SLC8A1: variants seen among roughly 807,000 people sequenced by gnomAD.
SLC8A1 encodes solute carrier family 8 member A1.
A neutral mutation model predicts 68.3 loss-of-function variants in SLC8A1; 18 were observed. The observed-to-expected ratio is 0.26, with a 90% CI of 0.18 to 0.39. The LOEUF is 0.39. Among genes scored for constraint, SLC8A1 ranks in the 10% least tolerant of loss-of-function variants. SLC8A1 has a pLI of 1.00. For synonymous variants in SLC8A1, 475 were observed against 415.5 expected (o/e 1.14, Z -1.74); for missense variants, 985 against 1,156.7 (o/e 0.85, Z 2.15).
exon 8 of SLC8A1, chr2:40,099,646 A>G (rs1029002431): frequency 1.3e-5 from 2 of 151,968 alleles, no homozygotes; most frequent in African/African-American, 2.4e-5. Flanking sequence ...TGCCCTGTAT[A>G]GGAAATTCAT....
Position 40,378,476 on chromosome 2 carries a change from G to C in SLC8A1, c.1808+49997C>G, listed in dbSNP as rs896808124. On this transcript the variant is annotated intron_variant, in intron 2 of 7. Transcript: ENST00000406785. ...TGTGATGGGGAGAATGGGTCTGACA[G>C]GTAACAGGAGGCCAGGCTTTGTGGA... Among the ~76,000 whole-genome samples the C allele has an allele frequency of 2.0e-5, 3 of 152,140 alleles. No individual in the cohort carries two copies. The South Asian group carries it at 6.2e-4, about 31-fold the overall frequency.
Position 40,351,473 on chromosome 2 carries a change from ACTTC to A in SLC8A1, c.1808+76996_1808+76999del, listed in dbSNP as rs143629301. On this transcript the variant is annotated intron_variant, in intron 2 of 7. Transcript: ENST00000406785. ...TCATACTACTACTTTTTCCACAGAG[ACTTC>A]CTTGTCTGCCCCTCCTGTGATGCCG... 6.6e-3 allele frequency among the ~76,000 whole-genome samples: 1,010 copies of A among 152,030 alleles called. 21 individuals are homozygous for A. Among genetic ancestry groups the A allele is most frequent in the African/African-American group, 0.022 (918 of 41,462 alleles).
intron 1 of SLC8A1, among the ~76,000 whole-genome samples, chr2:40,444,354 A>T (rs1346389602): frequency 6.6e-6 from 1 of 152,136 alleles, no homozygotes; most frequent in Non-Finnish European, 1.5e-5. Context: ...AAGTAAAATT[A>T]AAAAGTCATC....
At chr2:40,365,377 C>G (rs1675830251) in intron 2 of SLC8A1, among the ~76,000 whole-genome samples, 2 of 152,052 alleles carry the variant, frequency 1.3e-5, no homozygotes, top group African/African-American at 4.8e-5. Context: ...TCTAAATAAC[C>G]TGTAGAAAAT....
intron 1 of SLC8A1, among the ~76,000 whole-genome samples, chr2:40,434,211 T>G (rs1698955472): frequency 6.6e-6 from 1 of 152,232 alleles, no homozygotes; most frequent in African/African-American, 2.4e-5. Flanking sequence ...GAAGGGGGCT[T>G]CCGGTGTTAA....
At chr2:40,150,573 G>C (rs548133936) in intron 6 of SLC8A1, among the ~76,000 whole-genome samples, 1 of 152,294 alleles carries the variant, frequency 6.6e-6, no homozygotes, top group Admixed American at 6.5e-5. Flanking sequence ...CCCAGTGATG[G>C]CACATTGTTT....
At chr2:40,163,554 C>T (rs964881646) in intron 5 of SLC8A1, among the ~76,000 whole-genome samples, 3 of 152,224 alleles carry the variant, frequency 2.0e-5, no homozygotes, top group South Asian at 2.1e-4. Flanking sequence ...TGAGATTCCC[C>T]GACTTCTGGA....
At chr2:40,429,602 G>T in exon 2 of SLC8A1, 2 of 1,613,742 alleles carry the variant, frequency 1.2e-6, no homozygotes, top group Non-Finnish European at 1.7e-6. Context: ...ACAACACCAG[G>T]AGATATGACA....
chr2:40,239,037 A>T (rs2148950669), intron 2 of SLC8A1, among the ~76,000 whole-genome samples: 1 of 140,510 alleles, frequency 7.1e-6, no homozygotes, highest in Non-Finnish European at 1.6e-5. Flanking sequence ...ATGAATTTTA[A>T]TGAAATTGCA....
At chr2:40,149,492 A>T (rs2043036912) in intron 6 of SLC8A1, among the ~76,000 whole-genome samples, 1 of 152,228 alleles carries the variant, frequency 6.6e-6, no homozygotes, top group Non-Finnish European at 1.5e-5. Flanking sequence ...TTTAGTGAGG[A>T]GAAATAATCG....
At chr2:40,450,391 G>A (rs555212274) in intron 1 of SLC8A1, among the ~76,000 whole-genome samples, 39 of 152,166 alleles carry the variant, frequency 2.6e-4, no homozygotes, top group Non-Finnish European at 5.0e-4. Flanking sequence ...CGCTGGTGGG[G>A]GCATGGGAAA....
intron 2 of SLC8A1, among the ~76,000 whole-genome samples, chr2:40,212,650 T>C (rs1016379661): frequency 1.3e-5 from 2 of 152,204 alleles, no homozygotes; most frequent in Non-Finnish European, 2.9e-5. Context: ...TCTGCTGCCT[T>C]CTGAAGGCAT....
chr2:40,362,035 C>T (rs1271252879), intron 2 of SLC8A1, among the ~76,000 whole-genome samples: 1 of 151,080 alleles, frequency 6.6e-6, no homozygotes. Flanking sequence ...GCTGGGATTA[C>T]AGGCATGCAC....
intron 2 of SLC8A1, among the ~76,000 whole-genome samples, chr2:40,319,432 C>A (rs903735660): frequency 6.6e-6 from 1 of 152,054 alleles, no homozygotes; most frequent in South Asian, 2.1e-4. Flanking sequence ...TTTTGCAGTT[C>A]CTAGTCAATT....
intron 7 of SLC8A1, chr2:40,118,373 C>G (rs2035969820): frequency 6.6e-6 from 1 of 152,160 alleles, no homozygotes; most frequent in African/African-American, 2.4e-5. Flanking sequence ...TTACCAAATG[C>G]TCTTTACTGT....
At chr2:40,336,173 C>G (rs1665910026) in intron 2 of SLC8A1, among the ~76,000 whole-genome samples, 1 of 152,188 alleles carries the variant, frequency 6.6e-6, no homozygotes, top group South Asian at 2.1e-4. Context: ...CATCCTAATT[C>G]CACTTTATGT....
chr2:40,115,780 A>G (rs776229256), intron 7 of SLC8A1, 151 bp from the exon 11 acceptor site: 7 of 1,016,444 alleles, frequency 6.9e-6, no homozygotes, highest in Non-Finnish European at 9.9e-6. Context: ...AGTCAGACTC[A>G]TGGGGTGAAA....
intron 2 of SLC8A1, among the ~76,000 whole-genome samples, chr2:40,362,327 A>C (rs538219115): frequency 9.2e-5 from 14 of 152,122 alleles, no homozygotes; most frequent in Non-Finnish European, 1.5e-4. Context: ...GGGACACAAA[A>C]CCAGTGTTAG....
chr2:40,274,512 C>T (rs2066458253), intron 2 of SLC8A1, among the ~76,000 whole-genome samples: 1 of 152,054 alleles, frequency 6.6e-6, no homozygotes, highest in Admixed American at 6.6e-5. Context: ...GGGGATCTGC[C>T]TGTGTACACT....
Sources: allele counts gnomAD v4.1 joint callset (sites outside exome capture counted in the v4.1 genomes callset), GRCh38; gene constraint gnomAD v4.1.1; transcripts MANE v1.5; gene names NCBI Gene and HGNC (gene_info 2026-07-23, HGNC 2026-07-21).